The following RPS6KC1 variants were observed in gnomAD, a reference collection of about 807,000 sequenced individuals.
The protein encoded by RPS6KC1 is inactive ribosomal protein S6 kinase delta-1.
A neutral mutation model predicts 103.8 loss-of-function variants in RPS6KC1; 54 were observed. That is an observed-to-expected ratio of 0.52 (90% CI 0.42 to 0.65). The LOEUF is 0.65. Ranked by LOEUF, RPS6KC1 falls within the 30% of genes least tolerant of loss-of-function variation. The probability of loss-of-function intolerance (pLI) is 0.00; values close to 1 mark genes in which losing one functional copy is unlikely to be tolerated. For synonymous variants in RPS6KC1, 439 were observed against 438.7 expected (o/e 1.00, Z -0.01); for missense variants, 1,151 against 1,253.8 (o/e 0.92, Z 1.24).
chr1:213,745,636 G>T, the RPS6KC1 span, among the ~76,000 whole-genome samples: 85 of 152,224 alleles, frequency 5.6e-4, no homozygotes, highest in African/African-American at 2.0e-3. Context: ...AGGATTGATT[G>T]CAGGGTGCAG....
At chr1:213,195,688 C>T (rs778452923) in intron 8 of RPS6KC1, among the ~76,000 whole-genome samples, 1 of 152,124 alleles carries the variant, frequency 6.6e-6, no homozygotes, top group Non-Finnish European at 1.5e-5. Flanking sequence ...TTAGCTCCTA[C>T]TTATAAGTGA....
chr1:213,269,654 A>G (rs930395048), intron 14 of RPS6KC1, among the ~76,000 whole-genome samples: 2 of 152,228 alleles, frequency 1.3e-5, no homozygotes, highest in Non-Finnish European at 2.9e-5. Flanking sequence ...TGCTAAATCC[A>G]CAAATATTTG....
chr1:213,449,076 A>G, the RPS6KC1 span, among the ~76,000 whole-genome samples: 2 of 152,078 alleles, frequency 1.3e-5, no homozygotes, highest in Non-Finnish European at 2.9e-5. Flanking sequence ...TCCTCACAGG[A>G]TCTTTGCTGT....
chr1:213,086,613 C>T (rs1481346602), intron 3 of RPS6KC1, among the ~76,000 whole-genome samples: 1 of 152,110 alleles, frequency 6.6e-6, no homozygotes, highest in Non-Finnish European at 1.5e-5. Flanking sequence ...CTTTATAAGA[C>T]TCCCTATTTA....
chr1:213,328,504 CTATATATATATATATA>C, the RPS6KC1 span, among the ~76,000 whole-genome samples: 40,775 of 101,566 alleles, frequency 0.4, 7,034 homozygotes, highest in Admixed American at 0.46. Flanking sequence ...AGCCATTATA[CTATATATATATATATA>C]TATATATATA....
chr1:213,709,281 G>A, the RPS6KC1 span, among the ~76,000 whole-genome samples: 1 of 152,146 alleles, frequency 6.6e-6, no homozygotes, highest in Non-Finnish European at 1.5e-5. Context: ...AGTCTTGGGA[G>A]GGTGTATGTG....
chr1:213,578,842 A>G, the RPS6KC1 span, among the ~76,000 whole-genome samples: 2 of 152,058 alleles, frequency 1.3e-5, no homozygotes, highest in African/African-American at 4.8e-5. Context: ...CTTTTGAGTT[A>G]ATGCTGATAT....
At chr1:213,162,522 A>G (rs904280062) in intron 6 of RPS6KC1, among the ~76,000 whole-genome samples, 4 of 152,122 alleles carry the variant, frequency 2.6e-5, no homozygotes, top group African/African-American at 9.7e-5. Flanking sequence ...GGCTCAAGCC[A>G]TCTTCCTGCC....
At chr1:213,455,408 C>T in the RPS6KC1 span, among the ~76,000 whole-genome samples, 1 of 152,160 alleles carries the variant, frequency 6.6e-6, no homozygotes, top group Admixed American at 6.5e-5. Flanking sequence ...GTTTGAGCAA[C>T]TTGGTGGATG....
the RPS6KC1 span, among the ~76,000 whole-genome samples, chr1:213,584,950 A>AT: frequency 6.6e-6 from 1 of 152,130 alleles, no homozygotes; most frequent in Non-Finnish European, 1.5e-5. Context: ...GAAAGTGGGT[A>AT]TTTTTTTACT....
At chr1:213,724,072 C>T in the RPS6KC1 span, among the ~76,000 whole-genome samples, 33,044 of 151,990 alleles carry the variant, frequency 0.22, 3,842 homozygotes, top group South Asian at 0.28. Flanking sequence ...AATCCTTCCT[C>T]TGTGGATTTC....
chr1:213,519,490 T>C, the RPS6KC1 span, among the ~76,000 whole-genome samples: 2 of 152,224 alleles, frequency 1.3e-5, no homozygotes, highest in African/African-American at 4.8e-5. Context: ...CATAGATCTG[T>C]GTAATTTACT....
At position 213,129,680 on chromosome 1, in the gene RPS6KC1, C is replaced by G; in HGVS notation, c.626C>G (p.Ser209Cys). 6.2e-7 allele frequency: 1 copy of G among 1,614,042 alleles called. No individual in the cohort carries two copies. The highest frequency in any genetic ancestry group is 8.5e-7 in the Non-Finnish European group (1 of 1,179,972). Residue 209 changes from serine to cysteine, a missense_variant, in exon 6 of 15, where the codon TCT becomes TGT. Physicochemically the swap from Ser to Cys is moderately radical, Grantham distance 112. Around this residue, in one of 3 missense-constraint regions of RPS6KC1, gnomAD observed 959 missense variants for 1,006.3 expected, o/e 0.95. Coordinates refer to ENST00000366960, the MANE Select transcript of RPS6KC1 (RefSeq NM_012424.6). ...TCTTCAGCACTAGGGGCTGTTGCTT[C>G]TGACAGTGAACAGAGCAAAACAGAA... The part of the protein sequence containing the change: ...SDSSALGAVA[S>C]DSEQSKTEEE...
the RPS6KC1 span, among the ~76,000 whole-genome samples, chr1:213,621,130 G>T: frequency 1.1e-4 from 17 of 152,258 alleles, no homozygotes; most frequent in South Asian, 3.3e-3. Context: ...TGCCTTCTCT[G>T]CCCCCACTAC....
the RPS6KC1 span, among the ~76,000 whole-genome samples, chr1:213,388,097 C>G: frequency 1.3e-5 from 2 of 152,270 alleles, no homozygotes; most frequent in Non-Finnish European, 2.9e-5. Context: ...ATTCTCCTTC[C>G]TCTTGGAGCT....
At chr1:213,314,508 T>C in the RPS6KC1 span, among the ~76,000 whole-genome samples, 21 of 152,236 alleles carry the variant, frequency 1.4e-4, no homozygotes, top group African/African-American at 5.1e-4. Flanking sequence ...GAGAGTGTCC[T>C]ATTGTCAAAT....
the RPS6KC1 span, among the ~76,000 whole-genome samples, chr1:213,725,708 G>C: frequency 6.6e-6 from 1 of 152,122 alleles, no homozygotes; most frequent in South Asian, 2.1e-4. Flanking sequence ...AGAAAAAATC[G>C]AACCCTGTTC....
chr1:213,192,515 GCTAGGAGA>G (rs912933187), intron 8 of RPS6KC1, among the ~76,000 whole-genome samples: 4 of 152,072 alleles, frequency 2.6e-5, no homozygotes, highest in Non-Finnish European at 4.4e-5. Context: ...GGCTTCTCTT[GCTAGGAGA>G]CTTTTTATTA....
At chr1:213,854,129 G>C in the RPS6KC1 span, among the ~76,000 whole-genome samples, 1 of 152,186 alleles carries the variant, frequency 6.6e-6, no homozygotes, top group Non-Finnish European at 1.5e-5. Flanking sequence ...GTCTCTGCAG[G>C]ATAGGACCTC....
Sources: gnomAD v4.1 joint callset for allele counts (sites outside exome capture counted in the v4.1 genomes callset) on GRCh38, gnomAD v4.1.1 for gene constraint, gnomAD v4.1.1 regional missense constraint, MANE v1.5 for transcripts, NCBI Gene and HGNC (gene_info 2026-07-23, HGNC 2026-07-21) for gene names.